The following TFEC variants were observed in gnomAD, a reference collection of about 807,000 sequenced individuals.
TFEC encodes the protein transcription factor EC.
In TFEC, 31 loss-of-function variants were observed where a neutral mutation model predicts 41.6. The ratio of observed to expected loss-of-function variants is 0.74; its 90% CI spans 0.56 to 1.01. TFEC has a LOEUF of 1.01. Among genes scored for constraint, TFEC ranks in the 50% least tolerant of loss-of-function variants. The pLI, the probability that TFEC is intolerant of heterozygous loss-of-function variation, is 0.00. For synonymous variants in TFEC, 143 were observed against 140.6 expected (o/e 1.02, Z -0.12); for missense variants, 402 against 404.1 (o/e 0.99, Z 0.04).
chr7:116,015,751 T>C (rs542592787), intron 1 of TFEC, among the ~76,000 whole-genome samples: 54 of 152,124 alleles, frequency 3.5e-4, no homozygotes, highest in African/African-American at 1.2e-3. Flanking sequence ...TGCATTCAGA[T>C]GAAATGGGAA....
intron 3 of TFEC, among the ~76,000 whole-genome samples, chr7:116,089,470 A>G (rs1797274892): frequency 6.6e-6 from 1 of 152,168 alleles, no homozygotes; most frequent in Non-Finnish European, 1.5e-5. Flanking sequence ...ATTGGCCGGA[A>G]CAAGAGGTTT....
intron 6 of TFEC, among the ~76,000 whole-genome samples, chr7:115,947,368 T>C (rs28825809): frequency 0.031 from 4,742 of 151,138 alleles, 234 homozygotes; most frequent in African/African-American, 0.11. Context: ...TGAATAATGC[T>C]GCAATAAACA....
intron 3 of TFEC, among the ~76,000 whole-genome samples, chr7:116,039,759 G>A (rs144587946): frequency 0.031 from 4,660 of 151,820 alleles, 87 homozygotes; most frequent in Non-Finnish European, 0.038. Context: ...TATTCCTTTG[G>A]TGGTTAAAAA....
At chr7:116,137,272 TG>T (rs1798450833) in intron 1 of TFEC, among the ~76,000 whole-genome samples, 1 of 152,176 alleles carries the variant, frequency 6.6e-6, no homozygotes, top group Non-Finnish European at 1.5e-5. Flanking sequence ...AATTCTAAGT[TG>T]TATTTATGTT....
intron 2 of TFEC, among the ~76,000 whole-genome samples, chr7:115,979,639 T>A (rs755888072): frequency 1.3e-5 from 2 of 152,158 alleles, no homozygotes; most frequent in Non-Finnish European, 2.9e-5. Context: ...CCTCTTCTCC[T>A]GGTTGTCCTA....
At chr7:116,119,438 C>T (rs1798062220) in intron 1 of TFEC, among the ~76,000 whole-genome samples, 1 of 151,430 alleles carries the variant, frequency 6.6e-6, no homozygotes. Context: ...CATAGAAAAT[C>T]TCTGAGAAAC....
intron 3 of TFEC, among the ~76,000 whole-genome samples, chr7:115,965,231 C>T (rs933722301): frequency 6.6e-5 from 10 of 151,712 alleles, no homozygotes; most frequent in East Asian, 1.9e-4. Flanking sequence ...AATTCTACCA[C>T]GGTAATAGCT....
chr7:116,129,102 A>C (rs1324338233), intron 1 of TFEC, among the ~76,000 whole-genome samples: 1 of 152,182 alleles, frequency 6.6e-6, no homozygotes, highest in Non-Finnish European at 1.5e-5. Flanking sequence ...TAAGGTAAAG[A>C]CCAATAAACC....
intron 1 of TFEC, among the ~76,000 whole-genome samples, chr7:116,023,981 T>C (rs918876445): frequency 6.6e-6 from 1 of 152,136 alleles, no homozygotes; most frequent in African/African-American, 2.4e-5. Flanking sequence ...CTGGCCTCTG[T>C]GAACCAGTTT....
In TFEC at chr7:116,110,733, G is replaced by C; in HGVS notation, c.173C>G (p.Ser58Ter). Reference sequence around the variant, plus strand: ...CCTGGTAAAGGATGGTAATTGACTTGAATAAATTTGTGGTCTTGCTGGGAC... The same window carrying C: ...CCTGGTAAAGGATGGTAATTGACTTCAATAAATTTGTGGTCTTGCTGGGAC... The change falls in exon 3 of 9, where the codon TCA (serine) becomes TGA (stop). Residue 58 changes from serine to a stop codon, truncating the protein, a stop_gained. Coordinates refer to the TFEC transcript ENST00000484212. LOFTEE classifies it high-confidence loss of function. 6.6e-7 allele frequency: 1 copy of C among 1,524,820 alleles called. No individual in the cohort carries two copies. The highest frequency in any genetic ancestry group is 8.8e-7 in the Non-Finnish European group (1 of 1,136,670). The allele number at this position is 1,524,820 out of a possible 1,614,324, so 94.5% of individuals were successfully genotyped here. A position where few individuals can be genotyped will look rare whatever the true frequency, so the allele number is the denominator to read the frequency against.
intron 1 of TFEC, chr7:116,120,334 G>C (rs993904290): frequency 6.6e-6 from 1 of 151,862 alleles, no homozygotes; most frequent in South Asian, 2.1e-4. Context: ...TTTTGACTTG[G>C]ATGGCTCTTG....
chr7:115,973,110 GCA>G (rs1793210312), intron 3 of TFEC, among the ~76,000 whole-genome samples: 1 of 151,818 alleles, frequency 6.6e-6, no homozygotes. Context: ...AAAAAATCCT[GCA>G]ACAAAAAACA....
intron 1 of TFEC, among the ~76,000 whole-genome samples, chr7:116,013,895 C>T (rs1795095978): frequency 6.6e-6 from 1 of 152,014 alleles, no homozygotes; most frequent in Non-Finnish European, 1.5e-5. Context: ...TTGTAATCAC[C>T]ATATGCTGCA....
At chr7:116,089,869 T>C (rs1377787998) in intron 3 of TFEC, among the ~76,000 whole-genome samples, 2 of 152,156 alleles carry the variant, frequency 1.3e-5, no homozygotes, top group Non-Finnish European at 2.9e-5. Flanking sequence ...TCAACTTTTT[T>C]TCTCTGTCCA....
chr7:116,101,192 C>T (rs1797595416), intron 3 of TFEC, among the ~76,000 whole-genome samples: 1 of 135,176 alleles, frequency 7.4e-6, no homozygotes, highest in Non-Finnish European at 1.6e-5. Flanking sequence ...TTTCATGCCC[C>T]CCCCCAAAAA....
chr7:116,154,302 C>A (rs769859335), intron 1 of TFEC, among the ~76,000 whole-genome samples: 3 of 152,080 alleles, frequency 2.0e-5, no homozygotes. Flanking sequence ...TTCAAATGCA[C>A]CTCCTTTTCT....
At chr7:116,132,743 A>G (rs17138345) in intron 1 of TFEC, among the ~76,000 whole-genome samples, 1,603 of 152,362 alleles carry the variant, frequency 0.011, 24 homozygotes, top group African/African-American at 0.034. Context: ...GAACTATAGA[A>G]CATTCTTTGA....
intron 3 of TFEC, among the ~76,000 whole-genome samples, chr7:115,970,243 G>A (rs1793072315): frequency 6.6e-6 from 1 of 151,952 alleles, no homozygotes; most frequent in Non-Finnish European, 1.5e-5. Flanking sequence ...CAAGAAGAAG[G>A]AAGTGGTGAA....
chr7:116,022,457 C>T (rs1795433412), intron 1 of TFEC, among the ~76,000 whole-genome samples: 1 of 152,178 alleles, frequency 6.6e-6, no homozygotes, highest in Non-Finnish European at 1.5e-5. Flanking sequence ...CTCCCACTGA[C>T]AAGCTATATG....
Sources: gnomAD v4.1 joint callset for allele counts (sites outside exome capture counted in the v4.1 genomes callset) on GRCh38, gnomAD v4.1.1 for gene constraint, MANE v1.5 for transcripts, NCBI Gene and HGNC (gene_info 2026-07-23, HGNC 2026-07-21) for gene names.